Variants in VLDLR observed in about 807,000 individuals in gnomAD.
The protein encoded by VLDLR is very low density lipoprotein receptor, also known as very low-density lipoprotein receptor.
Under a neutral mutation model 112.7 loss-of-function variants are expected in VLDLR, and 81 were observed. That is an observed-to-expected ratio of 0.72 (90% CI 0.60 to 0.86). The LOEUF is 0.86. VLDLR is among the 40% of genes least tolerant of loss of function. VLDLR has a pLI of 0.00. For missense variants in VLDLR, 1,237 were observed against 1,099.4 expected, an observed-to-expected ratio of 1.13 and a Z score of -1.77; for synonymous variants, 436 against 384.8, an observed-to-expected ratio of 1.13 and a Z score of -1.56.
In VLDLR at chr9:2,644,821, G is replaced by C; in HGVS notation, c.1154G>C (p.Gly385Ala). 1 of 1,614,192 alleles carries C rather than the reference G, an allele frequency of 6.2e-7. No individual in the cohort carries two copies. Among genetic ancestry groups the C allele is most frequent in the Non-Finnish European group, 8.5e-7 (1 of 1,180,036 alleles). ...GGCTACGAGTGTGACTGTGCAGCTGGGTTTGAACTGATAGATAGGAAAACC... is the reference window on the plus strand; with the variant it reads ...GGCTACGAGTGTGACTGTGCAGCTGCGTTTGAACTGATAGATAGGAAAACC... ...VIGYECDCAA[G>A]FELIDRKTCG... The change falls in exon 8 of 19, where the codon GGG becomes GCG. Residue 385 changes from glycine (G) to alanine (A), a missense_variant. Physicochemically the swap from Gly to Ala is moderately conservative, Grantham distance 60 (BLOSUM62 0). Coordinates refer to ENST00000382100, the MANE Select transcript of VLDLR (RefSeq NM_003383.5).
Position 2,659,205 on chromosome 9 carries a change from A to C in VLDLR, c.*5337A>C, listed in dbSNP as rs1586667422. 1 of 152,228 alleles carries C rather than the reference A, an allele frequency of 6.6e-6. No homozygotes were observed. Among genetic ancestry groups the C allele is most frequent in the Non-Finnish European group, 1.5e-5 (1 of 68,044 alleles). The allele number at this position is 152,228 out of a possible 1,614,324, so 9.4% of individuals were successfully genotyped here. A position where few individuals can be genotyped will look rare whatever the true frequency, so the allele number is the denominator to read the frequency against. On this transcript the variant is annotated 3_prime_UTR_variant, in exon 19 of 19. Transcript: ENST00000382100. ...TACATAGGTAAAAACTGAGGCTACA[A>C]ACAATCTATGGTTCCAAATCCTATG... is the stretch of plus-strand genomic sequence containing the variant.
Position 2,659,521 on chromosome 9 carries a change from T to C in VLDLR, c.*5653T>C, listed in dbSNP as rs1055599606. On this transcript the variant is annotated 3_prime_UTR_variant, in exon 19 of 19. Coordinates refer to ENST00000382100, the MANE Select transcript of VLDLR (RefSeq NM_003383.5). ...ATCCAAGTGAAGTAGAAGTAGATTGTTGGATTGCAAAGAAAATGATAAAGA... is the reference window on the plus strand; with the variant it reads ...ATCCAAGTGAAGTAGAAGTAGATTGCTGGATTGCAAAGAAAATGATAAAGA... The C allele has an allele frequency of 2.0e-5, 3 of 152,220 alleles. No homozygotes were observed. The highest frequency in any genetic ancestry group is 4.4e-5 in the Non-Finnish European group (3 of 68,036). The allele number at this position is 152,220 out of a possible 1,614,324, so 9.4% of individuals were successfully genotyped here. A position where few individuals can be genotyped will look rare whatever the true frequency, so the allele number is the denominator to read the frequency against.
intron 18 of VLDLR, among the ~76,000 whole-genome samples, chr9:2,653,572 T>C (rs1484333087): frequency 6.6e-6 from 1 of 152,230 alleles, no homozygotes; most frequent in Admixed American, 6.5e-5. Flanking sequence ...GCTTTTCACA[T>C]TTTTCCCCAA....
rs779786219 is a variant in VLDLR, at chr9:2,648,315, C to G, written c.1930C>G (p.Leu644Val). Reference protein sequence around the residue: ...RRIVLKSLEFLAHPLALTIFE... With the variant: ...RRIVLKSLEFVAHPLALTIFE... ...GATAGTACTAAAGTCTCTGGAGTTC[C>G]TAGCTCATCCTCTTGCACTAACAAT... The change falls in exon 13 of 19, where the codon CTA becomes GTA. Residue 644 changes from leucine (L) to valine (V), a missense_variant. Transcript: ENST00000382100. 6.2e-7 allele frequency: 1 copy of G among 1,614,184 alleles called. No homozygotes were observed. The highest frequency in any genetic ancestry group is 8.5e-7 in the Non-Finnish European group (1 of 1,180,032).
intron 1 of VLDLR, 109 bp downstream of exon 1, chr9:2,622,380 C>A: frequency 1.0e-6 from 1 of 963,362 alleles, no homozygotes; most frequent in Non-Finnish European, 1.4e-6. Flanking sequence ...AGGCGCCTCT[C>A]GGTTCTCCTC....
intron 1 of VLDLR, among the ~76,000 whole-genome samples, chr9:2,622,941 C>T (rs1314544880): frequency 6.6e-6 from 1 of 152,048 alleles, no homozygotes. Context: ...CTGGGCGCTT[C>T]TCCTCTCCCT....
intron 4 of VLDLR, among the ~76,000 whole-genome samples, chr9:2,642,041 A>C: frequency 6.6e-6 from 1 of 151,828 alleles, no homozygotes; most frequent in South Asian, 2.1e-4. Context: ...AGTCTACCCA[A>C]CTGGTGATAC....
Position 2,650,407 on chromosome 9 carries a change from A to G in VLDLR, c.2142A>G (p.Gly714=). ...GTGAAGAAGACATGGAGAATGGAGG[A>G]TGTGAATACCTATGCCTGCCAGCAC... is the stretch of plus-strand genomic sequence containing the variant. ...NWCEEDMENG[G]CEYLCLPAPQ... Residue 714 remains glycine, a synonymous_variant, in exon 15 of 19, where the codon GGA becomes GGG. Coordinates refer to ENST00000382100, the MANE Select transcript of VLDLR (RefSeq NM_003383.5). 6.2e-7 allele frequency: 1 copy of G among 1,614,130 alleles called. No individual in the cohort carries two copies. The highest frequency in any genetic ancestry group is 2.2e-5 in the East Asian group (1 of 44,866).
At chr9:2,623,690 C>G (rs1429024279) in intron 1 of VLDLR, among the ~76,000 whole-genome samples, 1 of 152,178 alleles carries the variant, frequency 6.6e-6, no homozygotes, top group Non-Finnish European at 1.5e-5. Flanking sequence ...TCCGCGGACT[C>G]TTAAGTGGGC....
rs376182966 is a variant in VLDLR at position 2,656,640 on chromosome 9, C to T, written c.*2772C>T. The T allele has an allele frequency of 3.3e-5, 5 of 152,088 alleles. No individual in the cohort carries two copies. Among genetic ancestry groups the T allele is most frequent in the African/African-American group, 1.2e-4 (5 of 41,496 alleles). The allele number at this position is 152,088 out of a possible 1,614,324, so 9.4% of individuals were successfully genotyped here. ...GATAATTAAGAGGTAAAATATGAAG[C>T]TTATCATACACTAAAGGAGAATATT... On this transcript the variant is annotated 3_prime_UTR_variant, in exon 19 of 19. Transcript: ENST00000382100.
Position 2,648,814 on chromosome 9 carries a change from C to A in VLDLR, c.2104+4C>A, listed in dbSNP as rs565582324. 1 of 1,614,130 alleles carries A rather than the reference C, an allele frequency of 6.2e-7. No homozygotes were observed. Among genetic ancestry groups the A allele is most frequent in the Non-Finnish European group, 8.5e-7 (1 of 1,180,018 alleles). On this transcript the variant is annotated splice_donor_region_variant and intron_variant, in intron 14 of 18. Coordinates refer to ENST00000382100, the MANE Select transcript of VLDLR (RefSeq NM_003383.5). The stretch of plus-strand genomic sequence containing the variant: ...CATGAACTTGTACAGCCATCAGGTA[C>A]CGTGGAGAAGCACAGTCCTTAATAA...
intron 1 of VLDLR, among the ~76,000 whole-genome samples, chr9:2,633,562 A>G (rs10812380): frequency 0.25 from 37,464 of 152,068 alleles, 6,077 homozygotes; most frequent in East Asian, 0.64. Flanking sequence ...GTAGATATCA[A>G]TGTCAATGTT....
intron 13 of VLDLR, 123 bp from the exon 14 acceptor site, chr9:2,648,546 C>A: frequency 3.9e-6 from 6 of 1,536,744 alleles, no homozygotes; most frequent in South Asian, 1.1e-5. Context: ...AGTTTTATAT[C>A]CAGTGTCCCA....
At chr9:2,627,716 T>A (rs1817157160) in intron 1 of VLDLR, among the ~76,000 whole-genome samples, 1 of 151,812 alleles carries the variant, frequency 6.6e-6, no homozygotes, top group Non-Finnish European at 1.5e-5. Flanking sequence ...TACAAAAAAA[T>A]TAGCTGGGTG....
At chr9:2,652,058 T>A in intron 17 of VLDLR, 104 bp downstream of exon 17, 2 of 1,043,836 alleles carry the variant, frequency 1.9e-6, no homozygotes, top group Non-Finnish European at 2.9e-6. Flanking sequence ...TTATGCTGTC[T>A]AGCATTTATG....
chr9:2,643,458 C>T lies in VLDLR; in HGVS notation c.747C>T (p.Gly249=), dbSNP rs760542770. Residue 249 remains glycine (G), a synonymous_variant, in exon 5 of 19, where the codon GGC becomes GGT. Coordinates refer to ENST00000382100, the MANE Select transcript of VLDLR (RefSeq NM_003383.5). ...CCAGCGAAATCCAGTGCGGCTCTGG[C>T]GAGTGCATCCATAAGAAGTGGCGAT... ...CPASEIQCGS[G]ECIHKKWRCD... 1.9e-5 allele frequency: 31 copies of T among 1,614,054 alleles called. No individual in the cohort carries two copies. Among genetic ancestry groups the T allele is most frequent in the South Asian group, 3.3e-5 (3 of 91,090 alleles).
At chr9:2,644,924 G>T in intron 8 of VLDLR, 33 bp from the exon 9 acceptor site, 1 of 1,614,110 alleles carries the variant, frequency 6.2e-7, no homozygotes, top group South Asian at 1.1e-5. Context: ...TAAGGTATAG[G>T]AGCAGCAAGA....
intron 4 of VLDLR, 134 bp from the exon 5 acceptor site, chr9:2,643,026 C>G: frequency 3.0e-6 from 4 of 1,338,152 alleles, no homozygotes; most frequent in Non-Finnish European, 4.1e-6. Flanking sequence ...CTTGATTTAA[C>G]TCCATTGTAG....
intron 9 of VLDLR, 112 bp downstream of exon 9, chr9:2,645,194 A>G: frequency 6.6e-7 from 1 of 1,522,598 alleles, no homozygotes; most frequent in South Asian, 1.1e-5. Flanking sequence ...ACTTGAGAAC[A>G]ATGCTGCTAA....
Sources: gnomAD v4.1 joint callset for allele counts (sites outside exome capture counted in the v4.1 genomes callset) on GRCh38, gnomAD v4.1.1 for gene constraint, MANE v1.5 for transcripts, NCBI Gene and HGNC (gene_info 2026-07-23, HGNC 2026-07-21) for gene names.